The following STOX2 variants were observed in gnomAD, a reference collection of about 807,000 sequenced individuals.
STOX2 encodes the protein storkhead-box protein 2.
A neutral mutation model predicts 60.9 loss-of-function variants in STOX2; 28 were observed. The ratio of observed to expected loss-of-function variants is 0.46; its 90% confidence interval spans 0.34 to 0.63. The LOEUF is 0.63. STOX2 is among the 30% of genes least tolerant of loss of function. STOX2 has a pLI of 0.01. For synonymous variants in STOX2, 472 were observed against 463.9 expected (o/e 1.02, Z -0.22); for missense variants, 1,024 against 1,187.7 (o/e 0.86, Z 2.03).
Position 184,022,542 on chromosome 4 carries a change from C to G in STOX2, c.*5258C>G, listed in dbSNP as rs1227361162. 6.6e-6 allele frequency: 1 copy of G among 152,200 alleles called. No homozygotes were observed. Among genetic ancestry groups the G allele is most frequent in the Non-Finnish European group, 1.5e-5 (1 of 68,060 alleles). 9.4% of individuals were successfully genotyped at this position (152,200 alleles called of 1,614,324 possible). ...GGCTTCAAATGTGGACACACACACA[C>G]ACACATCATGCCAAGGAGGGAATGG... On this transcript the variant is annotated 3_prime_UTR_variant, in exon 4 of 4. Coordinates refer to ENST00000308497, the MANE Select transcript of STOX2 (RefSeq NM_020225.3).
chr4:183,908,798 C>T (rs900939495), intron 1 of STOX2, among the ~76,000 whole-genome samples: 6 of 152,004 alleles, frequency 3.9e-5, no homozygotes, highest in African/African-American at 9.7e-5. Context: ...TGAAGGATAA[C>T]CTGTTTCAGG....
intron 1 of STOX2, chr4:183,798,170 C>T: frequency 9.7e-7 from 1 of 1,035,792 alleles, no homozygotes; most frequent in Non-Finnish European, 1.2e-6. Flanking sequence ...CCGAGGCTCC[C>T]CTGGGTGCCC....
chr4:183,841,179 G>GTATGTATTTATT (rs146024028), intron 1 of STOX2, among the ~76,000 whole-genome samples: 1 of 147,920 alleles, frequency 6.8e-6, no homozygotes, highest in Non-Finnish European at 1.5e-5. Context: ...TTTCATCGTA[G>GTATGTATTTATT]TATTTATTTA....
At chr4:183,851,502 A>G (rs1579334214) in intron 1 of STOX2, among the ~76,000 whole-genome samples, 2 of 55,216 alleles carry the variant, frequency 3.6e-5, no homozygotes, top group East Asian at 6.2e-4. Flanking sequence ...GGAAAGGATG[A>G]GGGAAAGGAT....
At chr4:183,923,518 C>T (rs1742159159) in intron 1 of STOX2, among the ~76,000 whole-genome samples, 1 of 152,210 alleles carries the variant, frequency 6.6e-6, no homozygotes, top group Non-Finnish European at 1.5e-5. Flanking sequence ...ACACGGAAGG[C>T]AGAGGCAGAG....
At chr4:183,800,508 A>G (rs986727935) in intron 1 of STOX2, among the ~76,000 whole-genome samples, 2 of 152,234 alleles carry the variant, frequency 1.3e-5, no homozygotes, top group African/African-American at 4.8e-5. Flanking sequence ...TCTGTAGTAC[A>G]TATATCGTCA....
At chr4:183,808,912 A>T (rs1738971486) in intron 1 of STOX2, among the ~76,000 whole-genome samples, 1 of 152,196 alleles carries the variant, frequency 6.6e-6, no homozygotes, top group Admixed American at 6.5e-5. Flanking sequence ...TGGCAAAAAA[A>T]ATCTCATACT....
At chr4:183,855,816 A>T (rs1253362102) in intron 1 of STOX2, among the ~76,000 whole-genome samples, 1 of 152,230 alleles carries the variant, frequency 6.6e-6, no homozygotes, top group African/African-American at 2.4e-5. Context: ...TTCGTCTGGA[A>T]GCGTGCAAAT....
intron 1 of STOX2, among the ~76,000 whole-genome samples, chr4:183,867,531 A>G (rs1318880697): frequency 1.3e-5 from 2 of 152,188 alleles, no homozygotes; most frequent in South Asian, 2.1e-4. Flanking sequence ...AAAGCATATT[A>G]AAGTGTCATA....
intron 1 of STOX2, among the ~76,000 whole-genome samples, chr4:183,840,396 C>T (rs1210570066): frequency 1.3e-5 from 2 of 152,096 alleles, no homozygotes; most frequent in Non-Finnish European, 2.9e-5. Context: ...AATTTCTGAG[C>T]CCTTCTTTAG....
intron 1 of STOX2, among the ~76,000 whole-genome samples, chr4:183,860,470 A>C (rs957748834): frequency 1.3e-5 from 2 of 151,790 alleles, no homozygotes; most frequent in Non-Finnish European, 2.9e-5. Flanking sequence ...AAGAAAAAGA[A>C]GAAAAAATTG....
At chr4:183,851,321 G>C (rs369633394) in intron 1 of STOX2, among the ~76,000 whole-genome samples, 14 of 65,746 alleles carry the variant, frequency 2.1e-4, no homozygotes, top group East Asian at 3.2e-4. Flanking sequence ...ATGAGGGAAA[G>C]GATGAGGGAA....
intron 1 of STOX2, among the ~76,000 whole-genome samples, chr4:183,879,470 G>A (rs752376549): frequency 2.6e-5 from 4 of 152,210 alleles, no homozygotes; most frequent in East Asian, 1.9e-4. Context: ...TTCACAATGC[G>A]GCTGGGCGCT....
intron 2 of STOX2, among the ~76,000 whole-genome samples, chr4:184,003,400 A>G (rs1441421295): frequency 1.3e-5 from 2 of 152,248 alleles, no homozygotes; most frequent in Non-Finnish European, 2.9e-5. Flanking sequence ...GGATTAATCC[A>G]TAGGTCATTT....
intron 1 of STOX2, among the ~76,000 whole-genome samples, chr4:183,996,692 A>G (rs906953243): frequency 6.6e-6 from 1 of 152,182 alleles, no homozygotes; most frequent in Non-Finnish European, 1.5e-5. Context: ...TCTTAAATGC[A>G]TGTTCTAAAC....
chr4:183,958,437 T>G (rs779973583), intron 1 of STOX2, among the ~76,000 whole-genome samples: 4 of 152,204 alleles, frequency 2.6e-5, no homozygotes, highest in Non-Finnish European at 5.9e-5. Flanking sequence ...CATACCACCC[T>G]CTGTGGTTGG....
rs1037383335 is a variant in STOX2, at chr4:183,865,431, C to T, written c.364+67376C>T. Among the ~76,000 whole-genome samples the T allele has an allele frequency of 2.0e-5, 3 of 152,140 alleles. No homozygotes were observed. Among genetic ancestry groups the T allele is most frequent in the African/African-American group, 7.2e-5 (3 of 41,416 alleles). ...GAAACTGCCACAAACATATTAAGCACATAGAGGGTGTCAGCATCTATGAAT... is the reference window on the plus strand; with the variant it reads ...GAAACTGCCACAAACATATTAAGCATATAGAGGGTGTCAGCATCTATGAAT... On this transcript the variant is annotated intron_variant, in intron 1 of 2. Coordinates refer to the STOX2 transcript ENST00000513034. This position sits in a 1 kb window ranked among gnomAD's most constrained non-coding sequence, Gnocchi z 4.1.
chr4:183,847,822 G>GAAT (rs1740021616), intron 1 of STOX2, among the ~76,000 whole-genome samples: 1 of 152,216 alleles, frequency 6.6e-6, no homozygotes, highest in Non-Finnish European at 1.5e-5. Context: ...TACAGGAACA[G>GAAT]GCCCTTGGAA....
Position 184,009,242 on chromosome 4 carries a change from G to A in STOX2, c.404G>A (p.Gly135Asp), listed in dbSNP as rs755137776. The A allele has an allele frequency of 5.6e-6, 9 of 1,609,134 alleles. No individual in the cohort carries two copies. Among genetic ancestry groups the A allele is most frequent in the Non-Finnish European group, 6.8e-6 (8 of 1,176,788 alleles). Residue 135 changes from glycine (G) to aspartate (D), a missense_variant, in exon 3 of 4, where the codon GGC becomes GAC. Coordinates refer to ENST00000308497, the MANE Select transcript of STOX2 (RefSeq NM_020225.3). The surrounding 1 kb of genome is among the most constrained non-coding windows in gnomAD (Gnocchi z 4.0). The part of the protein sequence containing the change: ...RERKIYPTPD[G>D]YFIVTPQTYF... The stretch of plus-strand genomic sequence containing the variant: ...AGGAAGATCTACCCAACTCCAGATG[G>A]CTACTTCATCGTGACCCCACAGACT...
Sources: allele counts gnomAD v4.1 joint callset (sites outside exome capture counted in the v4.1 genomes callset), GRCh38; gene constraint gnomAD v4.1.1; non-coding constraint Gnocchi (gnomAD v3.1); transcripts MANE v1.5; gene names NCBI Gene and HGNC (gene_info 2026-07-23, HGNC 2026-07-21).